Variants in KCNH8 observed in about 807,000 individuals in gnomAD.
KCNH8 encodes potassium voltage-gated channel subfamily H member 8, also known as voltage-gated delayed rectifier potassium channel KCNH8.
KCNH8 carries 70 observed loss-of-function variants against 103.6 expected under a neutral mutation model. The observed-to-expected ratio is 0.68, with a 90% CI of 0.56 to 0.82. The LOEUF (loss-of-function observed/expected upper bound fraction) is 0.82, where lower values mean the gene tolerates loss of function less well. Among genes scored for constraint, KCNH8 ranks in the 40% least tolerant of loss-of-function variants. The pLI is 0.00. For missense variants in KCNH8, 1,217 were observed against 1,329.9 expected (o/e 0.92, Z 1.32); for synonymous variants, 498 against 489.4 (o/e 1.02, Z -0.23).
chr3:19,153,878 C>T (rs888255820), intron 1 of KCNH8, among the ~76,000 whole-genome samples: 14 of 152,004 alleles, frequency 9.2e-5, no homozygotes, highest in African/African-American at 3.4e-4. Context: ...GTGATCCACC[C>T]ACCGCGCCCT....
chr3:19,247,595 A>G (rs1237938709), intron 1 of KCNH8, among the ~76,000 whole-genome samples: 1 of 152,216 alleles, frequency 6.6e-6, no homozygotes, highest in East Asian at 1.9e-4. Flanking sequence ...ATATTTGTCT[A>G]CCTTCCTTGT....
intron 2 of KCNH8, among the ~76,000 whole-genome samples, chr3:19,273,137 G>A (rs1231628290): frequency 2.0e-5 from 3 of 152,082 alleles, no homozygotes; most frequent in Non-Finnish European, 4.4e-5. Context: ...TATGTTTATT[G>A]GAACCAACAA....
chr3:19,520,309 T>G (rs2068950050), intron 15 of KCNH8, among the ~76,000 whole-genome samples: 1 of 151,910 alleles, frequency 6.6e-6, no homozygotes, highest in Non-Finnish European at 1.5e-5. Flanking sequence ...AAGGTCCAAC[T>G]ATTCTTTCCC....
chr3:19,521,265 A>G (rs2068966451), intron 15 of KCNH8, among the ~76,000 whole-genome samples: 1 of 152,108 alleles, frequency 6.6e-6, no homozygotes, highest in African/African-American at 2.4e-5. Context: ...AAAACACACT[A>G]TGGAAGAAAG....
At chr3:19,509,185 T>C (rs917092089) in intron 11 of KCNH8, among the ~76,000 whole-genome samples, 1 of 152,212 alleles carries the variant, frequency 6.6e-6, no homozygotes, top group Non-Finnish European at 1.5e-5. Context: ...TAAGCAGATG[T>C]AGAATCGGTT....
chr3:19,518,717 C>T (rs1017873364), intron 15 of KCNH8, among the ~76,000 whole-genome samples: 1 of 151,994 alleles, frequency 6.6e-6, no homozygotes, highest in African/African-American at 2.4e-5. Flanking sequence ...AGTAAGATCT[C>T]TTATACTCAT....
chr3:19,214,179 A>C (rs2063797136), intron 1 of KCNH8, among the ~76,000 whole-genome samples: 1 of 152,184 alleles, frequency 6.6e-6, no homozygotes, highest in Non-Finnish European at 1.5e-5. Context: ...GCTGAACTGC[A>C]CTTTCTCTAA....
intron 2 of KCNH8, among the ~76,000 whole-genome samples, chr3:19,268,844 A>G (rs1351807042): frequency 6.6e-6 from 1 of 152,116 alleles, no homozygotes; most frequent in East Asian, 1.9e-4. Flanking sequence ...TCCAGGATGT[A>G]GCCAGTGAAG....
chr3:19,300,262 GAAAGAAAGA>G (rs1391063918), intron 3 of KCNH8, among the ~76,000 whole-genome samples: 1 of 96,890 alleles, frequency 1.0e-5, no homozygotes, highest in Non-Finnish European at 2.8e-5. Flanking sequence ...AAAAAAAAAA[GAAAGAAAGA>G]AAAGAAAATA....
rs145470843 is a variant in KCNH8, at chr3:19,324,183, G to T, written c.443-18404G>T. 2.4e-3 allele frequency among the ~76,000 whole-genome samples: 363 copies of T among 152,262 alleles called. 3 individuals are homozygous for T. Among genetic ancestry groups the T allele is most frequent in the African/African-American group, 8.2e-3 (342 of 41,550 alleles). On this transcript the variant is annotated intron_variant, in intron 3 of 15. Transcript: ENST00000328405. ...TTGGGCAGGTCTTGGTGTGGCTGCTGTGGCTGATGGGAGTGTGGTTTCCAG... is the reference window on the plus strand; with the variant it reads ...TTGGGCAGGTCTTGGTGTGGCTGCTTTGGCTGATGGGAGTGTGGTTTCCAG...
intron 11 of KCNH8, among the ~76,000 whole-genome samples, chr3:19,509,720 G>T (rs1049910777): frequency 6.6e-6 from 1 of 151,862 alleles, no homozygotes; most frequent in Admixed American, 6.6e-5. Flanking sequence ...CTTTTTTTGT[G>T]ATCAGTGGAA....
At chr3:19,503,869 G>A (rs1199358835) in intron 11 of KCNH8, among the ~76,000 whole-genome samples, 2 of 151,900 alleles carry the variant, frequency 1.3e-5, no homozygotes, top group Non-Finnish European at 2.9e-5. Context: ...CATGGCACAC[G>A]TATACATATG....
At chr3:19,416,951 T>C (rs1299804275) in intron 7 of KCNH8, among the ~76,000 whole-genome samples, 1 of 151,990 alleles carries the variant, frequency 6.6e-6, no homozygotes. Flanking sequence ...AAAGGTGTAG[T>C]TCCAGTGTTT....
At chr3:19,152,262 A>G (rs1183400213) in intron 1 of KCNH8, among the ~76,000 whole-genome samples, 1 of 152,194 alleles carries the variant, frequency 6.6e-6, no homozygotes, top group Non-Finnish European at 1.5e-5. Flanking sequence ...ACATTGGTAT[A>G]TATTTGAAAA....
chr3:19,196,571 A>G (rs915673264), intron 1 of KCNH8, among the ~76,000 whole-genome samples: 1 of 151,996 alleles, frequency 6.6e-6, no homozygotes, highest in African/African-American at 2.4e-5. Flanking sequence ...TAAAATAATT[A>G]CAACTCTGTA....
chr3:19,353,983 C>A (rs560867027), intron 5 of KCNH8, among the ~76,000 whole-genome samples: 2 of 152,296 alleles, frequency 1.3e-5, no homozygotes, highest in East Asian at 3.9e-4. Flanking sequence ...ACTTAGAAAA[C>A]CCCATTGTCT....
chr3:19,491,143 A>G (rs1353506235), intron 11 of KCNH8, among the ~76,000 whole-genome samples: 1 of 152,162 alleles, frequency 6.6e-6, no homozygotes, highest in African/African-American at 2.4e-5. Context: ...TACTAATTAT[A>G]TACATATATA....
chr3:19,361,156 A>G (rs898991106), intron 5 of KCNH8, among the ~76,000 whole-genome samples: 11 of 152,128 alleles, frequency 7.2e-5, no homozygotes, highest in Non-Finnish European at 1.6e-4. Flanking sequence ...ATCAAAATAA[A>G]TAAATAATAA....
chr3:19,290,265 T>C (rs865826280), intron 3 of KCNH8, among the ~76,000 whole-genome samples: 4 of 152,054 alleles, frequency 2.6e-5, no homozygotes, highest in African/African-American at 9.7e-5. Context: ...TGCCCTGGCC[T>C]GAACTTCCAA....
Sources: allele counts gnomAD v4.1 joint callset (sites outside exome capture counted in the v4.1 genomes callset), GRCh38; gene constraint gnomAD v4.1.1; transcripts MANE v1.5; gene names NCBI Gene and HGNC (gene_info 2026-07-23, HGNC 2026-07-21).